Variants in PITPNM2 observed in about 807,000 individuals in gnomAD.
The protein encoded by PITPNM2 is membrane-associated phosphatidylinositol transfer protein 2.
A neutral mutation model predicts 132.2 loss-of-function variants in PITPNM2; 35 were observed. That is an observed-to-expected ratio of 0.26 (90% CI 0.20 to 0.35). The LOEUF is 0.35. Ranked by LOEUF, PITPNM2 falls within the 10% of genes least tolerant of loss-of-function variation. The pLI, the probability that PITPNM2 is intolerant of heterozygous loss-of-function variation, is 1.00. For synonymous variants in PITPNM2, 738 were observed against 799.2 expected, an observed-to-expected ratio of 0.92 and a Z score of 1.29; for missense variants, 1,332 against 1,912.0, an observed-to-expected ratio of 0.70 and a Z score of 5.66.
rs2038256482 is a variant in PITPNM2 at position 122,992,896 on chromosome 12, G to A, written c.2234-227C>T. 6.6e-6 allele frequency among the ~76,000 whole-genome samples: 1 copy of A among 152,128 alleles called. No homozygotes were observed. Among genetic ancestry groups the A allele is most frequent in the Non-Finnish European group, 1.5e-5 (1 of 68,028 alleles). ...GCTGGAGGGCAGTGGTGCGATCTTG[G>A]TTCACTGTAGCCTCCGTCTCCTGGG... is the stretch of plus-strand genomic sequence containing the variant. On this transcript the variant is annotated intron_variant, in intron 15 of 25. Coordinates refer to ENST00000320201, the MANE Select transcript of PITPNM2 (RefSeq NM_020845.3). This position sits in a 1 kb window ranked among gnomAD's most constrained non-coding sequence, Gnocchi z 6.5.
intron 14 of PITPNM2, 107 bp from the exon 15 acceptor site, chr12:122,995,086 T>G (rs1212464578): frequency 7.8e-7 from 1 of 1,274,726 alleles, no homozygotes; most frequent in Non-Finnish European, 1.1e-6. Context: ...GCCCACTGGC[T>G]TCAGGACAGC....
rs1449578546 is a variant in PITPNM2 at position 123,111,223 on chromosome 12, ATTC to A, written c.-199-738_-199-736del. The stretch of plus-strand genomic sequence containing the variant: ...TAGCCCACCTCGCAGCTCAACACAC[ATTC>A]TTGTTTGCCTGACACACATACAAGC... On this transcript the variant is annotated intron_variant, in intron 1 of 25. Transcript: ENST00000320201. This position sits in a 1 kb window ranked among gnomAD's most constrained non-coding sequence, Gnocchi z 4.1. Among the ~76,000 whole-genome samples the A allele has an allele frequency of 3.3e-5, 5 of 152,182 alleles. No individual in the cohort carries two copies. Among genetic ancestry groups the A allele is most frequent in the African/African-American group, 1.2e-4 (5 of 41,456 alleles).
Position 123,136,920 on chromosome 12 carries a change from C to T in PITPNM2, c.-200+13833G>A, listed in dbSNP as rs527389421. Among the ~76,000 whole-genome samples the T allele has an allele frequency of 3.9e-5, 6 of 152,266 alleles. No homozygotes were observed. The South Asian group carries it at 1.2e-3, about 32-fold the overall frequency. ...AAAAAATAATAATAATAATTAAGCC[C>T]CCTTAATTGGTGAATATGGAAATGT... On this transcript the variant is annotated intron_variant, in intron 1 of 25. Coordinates refer to ENST00000320201, the MANE Select transcript of PITPNM2 (RefSeq NM_020845.3).
intron 2 of PITPNM2, among the ~76,000 whole-genome samples, chr12:123,072,556 A>T (rs2041648584): frequency 6.6e-6 from 1 of 152,204 alleles, no homozygotes; most frequent in East Asian, 1.9e-4. Flanking sequence ...CAAGTCCCTC[A>T]TTCATTCATT....
intron 2 of PITPNM2, among the ~76,000 whole-genome samples, chr12:123,041,564 G>A (rs1320257380): frequency 3.9e-5 from 6 of 152,168 alleles, no homozygotes; most frequent in Non-Finnish European, 7.3e-5. Flanking sequence ...CCCTTGGCCC[G>A]AAGCTGAACC....
intron 3 of PITPNM2, among the ~76,000 whole-genome samples, chr12:123,024,384 C>T (rs1443264776): frequency 6.6e-6 from 1 of 152,170 alleles, no homozygotes; most frequent in African/African-American, 2.4e-5. Context: ...AAAAGTTAAA[C>T]ATAGAGTTAC....
Position 123,082,556 on chromosome 12 carries a change from G to C in PITPNM2, c.-96+27829C>G, listed in dbSNP as rs571795825. ...CGGTTCAAGCGATTCTCATGCCTCA[G>C]CCTCCAAATAGCTGGGAATACAGGC... On this transcript the variant is annotated intron_variant, in intron 2 of 25. Transcript: ENST00000320201. The surrounding 1 kb of genome is among the most constrained non-coding windows in gnomAD (Gnocchi z 5.4). 6.6e-6 allele frequency among the ~76,000 whole-genome samples: 1 copy of C among 152,070 alleles called. No homozygotes were observed. The highest frequency in any genetic ancestry group is 2.4e-5 in the African/African-American group (1 of 41,392).
At chr12:123,001,736 A>T (rs555832605) in intron 8 of PITPNM2, among the ~76,000 whole-genome samples, 14 of 152,102 alleles carry the variant, frequency 9.2e-5, no homozygotes, top group Non-Finnish European at 7.4e-5. Flanking sequence ...TGTTTTTTTA[A>T]AAATGCTATA....
chr12:123,013,239 CAGG>C (rs1296561261), intron 4 of PITPNM2, among the ~76,000 whole-genome samples: 2 of 152,222 alleles, frequency 1.3e-5, no homozygotes, highest in Non-Finnish European at 2.9e-5. Flanking sequence ...AAGGGAGCCC[CAGG>C]AGATTTGTGG....
chr12:123,146,164 G>A (rs769816310), intron 1 of PITPNM2, among the ~76,000 whole-genome samples: 6 of 152,108 alleles, frequency 3.9e-5, no homozygotes. Context: ...GAGGGTGGAG[G>A]GTGGGAGGAG....
intron 1 of PITPNM2, among the ~76,000 whole-genome samples, chr12:123,139,265 C>T (rs2043447956): frequency 6.6e-6 from 1 of 152,112 alleles, no homozygotes; most frequent in Non-Finnish European, 1.5e-5. Context: ...CTTTGGGAGG[C>T]CGAGGCAGGC....
chr12:123,125,666 A>G (rs2043121876), intron 1 of PITPNM2, among the ~76,000 whole-genome samples: 1 of 151,180 alleles, frequency 6.6e-6, no homozygotes, highest in Non-Finnish European at 1.5e-5. Flanking sequence ...AACAAGGTGA[A>G]ACCCCGTCTC....
intron 3 of PITPNM2, among the ~76,000 whole-genome samples, chr12:123,032,769 G>A (rs1426173876): frequency 6.6e-6 from 1 of 152,216 alleles, no homozygotes. Context: ...GAGATGGGGG[G>A]CTGATTTAAG....
Position 123,000,199 on chromosome 12 carries a change from C to T in PITPNM2, c.1224+579G>A, listed in dbSNP as rs2038598868. ...CGCAGGTGATGGTGGGACAGCCCAG[C>T]TCAGCCCTGGCTCCTGTCCCAGTGC... On this transcript the variant is annotated intron_variant, in intron 10 of 25. Coordinates refer to ENST00000320201, the MANE Select transcript of PITPNM2 (RefSeq NM_020845.3). This position sits in a 1 kb window ranked among gnomAD's most constrained non-coding sequence, Gnocchi z 5.4. 4 of 590,046 alleles carry T rather than the reference C, an allele frequency of 6.8e-6. No homozygotes were observed. The highest frequency in any genetic ancestry group is 1.2e-5 in the Non-Finnish European group (4 of 331,882). The allele number at this position is 590,046 out of a possible 1,614,324, so 36.6% of individuals were successfully genotyped here.
chr12:123,043,439 C>T (rs1397625769), intron 2 of PITPNM2, among the ~76,000 whole-genome samples: 1 of 152,176 alleles, frequency 6.6e-6, no homozygotes, highest in Non-Finnish European at 1.5e-5. Flanking sequence ...ACTCCTTCCT[C>T]TAACGCTGGC....
chr12:122,990,215 G>A (rs73411011), intron 17 of PITPNM2, among the ~76,000 whole-genome samples: 6,413 of 152,340 alleles, frequency 0.042, 451 homozygotes, highest in African/African-American at 0.14. Context: ...AACCCGGGCT[G>A]TGCTTCAAGC....
chr12:123,141,624 A>G (rs1036810283), intron 1 of PITPNM2, among the ~76,000 whole-genome samples: 5 of 152,100 alleles, frequency 3.3e-5, no homozygotes, highest in Non-Finnish European at 7.4e-5. Flanking sequence ...AGAAAAGCCC[A>G]TAACACAGAG....
chr12:123,005,865 A>G lies in PITPNM2; in HGVS notation c.644-317T>C. 3.1e-6 allele frequency: 1 copy of G among 324,454 alleles called. No homozygotes were observed. 20.1% of individuals were successfully genotyped at this position (324,454 alleles called of 1,614,324 possible). On this transcript the variant is annotated intron_variant, in intron 6 of 25. Transcript: ENST00000320201. This position sits in a 1 kb window ranked among gnomAD's most constrained non-coding sequence, Gnocchi z 6.2. Reference sequence around the variant, plus strand: ...GTAATCCCAACACTTTGGGAGGATTAGGTGGGAGGACAGCTTGAGTCCAAG... The same window carrying G: ...GTAATCCCAACACTTTGGGAGGATTGGGTGGGAGGACAGCTTGAGTCCAAG...
At chr12:123,075,157 T>A (rs1268513516) in intron 2 of PITPNM2, among the ~76,000 whole-genome samples, 3 of 150,574 alleles carry the variant, frequency 2.0e-5, no homozygotes, top group African/African-American at 5.0e-5. Flanking sequence ...TCTGCAAGCA[T>A]ATGTGCACTT....
Sources: gnomAD v4.1 joint callset for allele counts (sites outside exome capture counted in the v4.1 genomes callset) on GRCh38, gnomAD v4.1.1 for gene constraint, Gnocchi (gnomAD v3.1) non-coding constraint, MANE v1.5 for transcripts, NCBI Gene and HGNC (gene_info 2026-07-23, HGNC 2026-07-21) for gene names.